Variants in CRYZL1 observed in about 807,000 individuals in gnomAD.
CRYZL1 encodes the protein crystallin zeta like 1.
A neutral mutation model predicts 50.6 loss-of-function variants in CRYZL1; 34 were observed. The observed-to-expected ratio is 0.67, with a 90% CI of 0.51 to 0.89. The LOEUF is 0.89. CRYZL1 is among the 40% of genes least tolerant of loss of function. The pLI is 0.00. For synonymous variants in CRYZL1, 125 were observed against 134.3 expected, an observed-to-expected ratio of 0.93 and a Z score of 0.48; for missense variants, 354 against 402.3, an observed-to-expected ratio of 0.88 and a Z score of 1.03.
chr21:33,635,976 T>A (rs2087202512), intron 1 of CRYZL1, among the ~76,000 whole-genome samples: 1 of 151,900 alleles, frequency 6.6e-6, no homozygotes, highest in Admixed American at 6.6e-5. Flanking sequence ...CGAGGCTTTG[T>A]CTCAAAAATA....
At chr21:33,610,774 C>T (rs547997182) in intron 6 of CRYZL1, among the ~76,000 whole-genome samples, 1 of 139,424 alleles carries the variant, frequency 7.2e-6, no homozygotes, top group East Asian at 2.1e-4. Context: ...TACTCTGTCA[C>T]CGAGGCTGGA....
intron 6 of CRYZL1, among the ~76,000 whole-genome samples, chr21:33,606,113 A>G (rs2086812204): frequency 6.6e-6 from 1 of 152,192 alleles, no homozygotes; most frequent in African/African-American, 2.4e-5. Context: ...TAAGATAGCT[A>G]TTCTCCCAAT....
intron 1 of CRYZL1, among the ~76,000 whole-genome samples, chr21:33,636,788 C>T (rs2087211436): frequency 6.6e-6 from 1 of 152,162 alleles, no homozygotes; most frequent in Non-Finnish European, 1.5e-5. Context: ...CTCTGTTACA[C>T]TCAATCCCCC....
At position 33,595,856 on chromosome 21, in the gene CRYZL1, A is replaced by G. The variant is rs765031492; in HGVS notation, c.799-20T>C. The stretch of plus-strand genomic sequence containing the variant: ...ATCCAACTTGGATAGAATGAAACAA[A>G]GACTAATCAATTATTGTGAGTTTAA... On this transcript the variant is annotated intron_variant, in intron 10 of 12. Transcript: ENST00000381554. 1.3e-6 allele frequency: 2 copies of G among 1,499,190 alleles called. No homozygotes were observed. Among genetic ancestry groups the G allele is most frequent in the Middle Eastern group, 1.7e-4 (1 of 5,842 alleles). The allele number at this position is 1,499,190 out of a possible 1,614,324, so 92.9% of individuals were successfully genotyped here. A position where few individuals can be genotyped will look rare whatever the true frequency, so the allele number is the denominator to read the frequency against.
At chr21:33,636,293 C>T (rs1053515491) in intron 1 of CRYZL1, among the ~76,000 whole-genome samples, 1 of 151,954 alleles carries the variant, frequency 6.6e-6, no homozygotes, top group African/African-American at 2.4e-5. Flanking sequence ...TCTATCTAGG[C>T]ATTGGAGGCT....
intron 1 of CRYZL1, among the ~76,000 whole-genome samples, chr21:33,640,360 T>G (rs968573257): frequency 2.6e-5 from 4 of 151,770 alleles, no homozygotes; most frequent in Non-Finnish European, 5.9e-5. Context: ...AATTATACAC[T>G]GCAATGGCTG....
chr21:33,600,629 CT>C (rs141776549), intron 8 of CRYZL1, among the ~76,000 whole-genome samples: 315 of 139,736 alleles, frequency 2.3e-3, no homozygotes, highest in Middle Eastern at 3.6e-3. Context: ...ACCATTCATG[CT>C]TTTTTTTTTT....
intron 11 of CRYZL1, chr21:33,591,484 A>G: frequency 2.1e-6 from 1 of 487,408 alleles, no homozygotes; most frequent in Non-Finnish European, 3.6e-6. Flanking sequence ...GCTCACCACT[A>G]TTATCTCAAT....
chr21:33,603,235 G>T, intron 7 of CRYZL1, 169 bp downstream of exon 7: 1 of 689,492 alleles, frequency 1.5e-6, no homozygotes, highest in Non-Finnish European at 2.3e-6. Flanking sequence ...ATCTAACTTT[G>T]ATCTTCTATT....
chr21:33,627,726 CAT>C (rs2087083872), intron 2 of CRYZL1, among the ~76,000 whole-genome samples: 1 of 145,786 alleles, frequency 6.9e-6, no homozygotes, highest in African/African-American at 2.5e-5. Context: ...TTCCATTTCA[CAT>C]ATGAGACATG....
intron 11 of CRYZL1, among the ~76,000 whole-genome samples, chr21:33,593,248 A>T (rs1301838495): frequency 6.6e-6 from 1 of 151,738 alleles, no homozygotes; most frequent in Non-Finnish European, 1.5e-5. Flanking sequence ...CTGGGACTAC[A>T]GGTGCCCGCC....
At chr21:33,628,623 G>A (rs2087098423) in intron 2 of CRYZL1, among the ~76,000 whole-genome samples, 3 of 132,864 alleles carry the variant, frequency 2.3e-5, no homozygotes, top group Non-Finnish European at 4.7e-5. Context: ...TTTTTTTTGA[G>A]ACAAGTCTTG....
At chr21:33,625,658 T>C (rs1330121200) in intron 2 of CRYZL1, among the ~76,000 whole-genome samples, 1 of 151,338 alleles carries the variant, frequency 6.6e-6, no homozygotes, top group Non-Finnish European at 1.5e-5. Flanking sequence ...TGATTTTTAA[T>C]TTTTTTGTAG....
At chr21:33,610,487 T>C (rs2145933714) in intron 6 of CRYZL1, among the ~76,000 whole-genome samples, 1 of 152,132 alleles carries the variant, frequency 6.6e-6, no homozygotes, top group South Asian at 2.1e-4. Flanking sequence ...TTGCTGTGTT[T>C]TCTTCCTCAA....
intron 11 of CRYZL1, chr21:33,594,819 C>G (rs1438043192): frequency 6.6e-6 from 1 of 152,256 alleles, no homozygotes; most frequent in African/African-American, 2.4e-5. Flanking sequence ...ACATAACTAC[C>G]TTAAAGCTCC....
chr21:33,605,530 C>CGTTTTTTTTTTTTTTTTTTTTTTT (rs2086802323), intron 6 of CRYZL1, among the ~76,000 whole-genome samples: 1 of 53,196 alleles, frequency 1.9e-5, no homozygotes, highest in African/African-American at 8.1e-5. Flanking sequence ...TACAAGAATT[C>CGTTTTTTTTTTTTTTTTTTTTTTT]TTTTTTTTTT....
chr21:33,595,843 T>C lies in CRYZL1; in HGVS notation c.799-7A>G, dbSNP rs373658721. The C allele has an allele frequency of 1.0e-5, 16 of 1,581,338 alleles. No homozygotes were observed. The highest frequency in any genetic ancestry group is 1.3e-5 in the African/African-American group (1 of 74,318). The stretch of plus-strand genomic sequence containing the variant: ...GGCTATCTGGAGGATCCAACTTGGA[T>C]AGAATGAAACAAAGACTAATCAATT... On this transcript the variant is annotated splice_polypyrimidine_tract_variant and splice_region_variant and intron_variant, in intron 10 of 12. Coordinates refer to ENST00000381554, the MANE Select transcript of CRYZL1 (RefSeq NM_145858.3).
At chr21:33,612,931 C>T (rs1307604106) in intron 6 of CRYZL1, among the ~76,000 whole-genome samples, 1 of 152,100 alleles carries the variant, frequency 6.6e-6, no homozygotes, top group Non-Finnish European at 1.5e-5. Context: ...TCAAGCAATT[C>T]TCATGCCTCA....
intron 4 of CRYZL1, among the ~76,000 whole-genome samples, chr21:33,618,150 G>A (rs1331507690): frequency 2.0e-5 from 3 of 152,036 alleles, no homozygotes; most frequent in South Asian, 2.1e-4. Flanking sequence ...TTAGCCGGGC[G>A]TGGTGGTGGG....
Sources: gnomAD v4.1 joint callset for allele counts (sites outside exome capture counted in the v4.1 genomes callset) on GRCh38, gnomAD v4.1.1 for gene constraint, MANE v1.5 for transcripts, NCBI Gene and HGNC (gene_info 2026-07-23, HGNC 2026-07-21) for gene names.